The following RANBP2 variants were observed in gnomAD, a reference collection of about 807,000 sequenced individuals.
RANBP2 encodes the protein E3 SUMO-protein ligase RanBP2.
Under a neutral mutation model 303.6 loss-of-function variants are expected in RANBP2, and 57 were observed. The ratio of observed to expected loss-of-function variants is 0.19; its 90% CI spans 0.15 to 0.23. RANBP2 has a LOEUF of 0.23. Ranked by LOEUF, RANBP2 falls within the 10% of genes least tolerant of loss-of-function variation. The probability of loss-of-function intolerance (pLI) is 1.00; values close to 1 mark genes in which losing one functional copy is unlikely to be tolerated. For missense variants in RANBP2, 3,138 were observed against 3,780.8 expected (o/e 0.83, Z 4.46); for synonymous variants, 1,167 against 1,301.5 (o/e 0.90, Z 2.23).
At chr2:109,619,359 G>A in the RANBP2 span, among the ~76,000 whole-genome samples, 2 of 152,194 alleles carry the variant, frequency 1.3e-5, no homozygotes, top group Non-Finnish European at 2.9e-5. Context: ...TATGGGTTTT[G>A]CACACACCAT....
the RANBP2 span, among the ~76,000 whole-genome samples, chr2:108,889,798 A>C: frequency 6.6e-6 from 1 of 152,232 alleles, no homozygotes; most frequent in Admixed American, 6.5e-5. Flanking sequence ...AGTTATTGAT[A>C]TGTGAGGTTT....
intron 18 of RANBP2, among the ~76,000 whole-genome samples, chr2:108,760,404 C>T (rs184367044): frequency 1.3e-5 from 2 of 152,218 alleles, no homozygotes; most frequent in African/African-American, 4.8e-5. Context: ...TTAATGAGTT[C>T]ATGGTATCCC....
At chr2:108,798,148 C>T in the RANBP2 span, among the ~76,000 whole-genome samples, 2 of 151,960 alleles carry the variant, frequency 1.3e-5, no homozygotes, top group African/African-American at 4.8e-5. Flanking sequence ...TAAGCTGGAT[C>T]GGGAACTAAA....
chr2:109,208,475 G>A, the RANBP2 span, among the ~76,000 whole-genome samples: 1 of 152,176 alleles, frequency 6.6e-6, no homozygotes, highest in Admixed American at 6.5e-5. Context: ...CTGTGGAGAA[G>A]GGCAAAGGCT....
chr2:109,377,136 T>A, the RANBP2 span, among the ~76,000 whole-genome samples: 1 of 152,378 alleles, frequency 6.6e-6, no homozygotes, highest in African/African-American at 2.4e-5. Context: ...CTGTTTATTC[T>A]TGGCGTTTCC....
At chr2:109,106,324 A>T in the RANBP2 span, among the ~76,000 whole-genome samples, 1 of 152,206 alleles carries the variant, frequency 6.6e-6, no homozygotes. Context: ...ACTAGCCATG[A>T]ATATAAACAA....
chr2:109,562,184 G>C, the RANBP2 span, among the ~76,000 whole-genome samples: 1 of 151,956 alleles, frequency 6.6e-6, no homozygotes, highest in East Asian at 1.9e-4. Context: ...CTGAACTCCA[G>C]CCTGGGCAAC....
At chr2:109,283,147 A>G in the RANBP2 span, among the ~76,000 whole-genome samples, 90 of 152,304 alleles carry the variant, frequency 5.9e-4, no homozygotes, top group Admixed American at 2.5e-3. Flanking sequence ...TGCCCAGGGT[A>G]CAGCCCAGAA....
the RANBP2 span, among the ~76,000 whole-genome samples, chr2:109,548,661 A>G: frequency 6.6e-6 from 1 of 150,952 alleles, no homozygotes; most frequent in Non-Finnish European, 1.5e-5. Context: ...CTGTAGTCCC[A>G]GCTACTCGGG....
chr2:109,349,564 G>A, the RANBP2 span, among the ~76,000 whole-genome samples: 1 of 152,216 alleles, frequency 6.6e-6, no homozygotes, highest in African/African-American at 2.4e-5. Context: ...ACCAAGAGCA[G>A]GGACCTCTGA....
At chr2:109,500,785 C>CA in the RANBP2 span, among the ~76,000 whole-genome samples, 63 of 151,110 alleles carry the variant, frequency 4.2e-4, no homozygotes, top group South Asian at 3.8e-3. Context: ...CCCATCTCTA[C>CA]AAAAAAAAAT....
the RANBP2 span, among the ~76,000 whole-genome samples, chr2:109,149,227 G>T: frequency 2.6e-5 from 4 of 151,870 alleles, no homozygotes; most frequent in Admixed American, 2.0e-4. Context: ...GCTTTTATTC[G>T]GACTTCTCTA....
At chr2:109,445,102 G>A in the RANBP2 span, among the ~76,000 whole-genome samples, 1 of 152,194 alleles carries the variant, frequency 6.6e-6, no homozygotes, top group Admixed American at 6.5e-5. Flanking sequence ...AGTGGAATTA[G>A]TGAAATTGGA....
At chr2:109,406,637 G>A in the RANBP2 span, among the ~76,000 whole-genome samples, 3 of 152,082 alleles carry the variant, frequency 2.0e-5, no homozygotes, top group Admixed American at 6.5e-5. Context: ...TATATCATCC[G>A]CAGCTGTTTT....
At chr2:109,250,781 G>T in the RANBP2 span, among the ~76,000 whole-genome samples, 2 of 151,668 alleles carry the variant, frequency 1.3e-5, no homozygotes, top group Non-Finnish European at 2.9e-5. Flanking sequence ...GAAAAAAAAA[G>T]TGCTTCAATA....
chr2:109,448,095 AGT>A, the RANBP2 span, among the ~76,000 whole-genome samples: 3 of 152,148 alleles, frequency 2.0e-5, no homozygotes, highest in Non-Finnish European at 2.9e-5. Flanking sequence ...TGACATACCC[AGT>A]GTGGAAACCA....
chr2:109,526,782 T>C, the RANBP2 span, among the ~76,000 whole-genome samples: 1 of 152,288 alleles, frequency 6.6e-6, no homozygotes, highest in Non-Finnish European at 1.5e-5. Context: ...TCTCCACCCT[T>C]GCCTGGGACC....
the RANBP2 span, among the ~76,000 whole-genome samples, chr2:109,301,316 G>A: frequency 8.1e-4 from 118 of 145,860 alleles, no homozygotes; most frequent in African/African-American, 3.0e-3. Context: ...GGTGGGGGGC[G>A]GGCTGTGTAT....
the RANBP2 span, among the ~76,000 whole-genome samples, chr2:109,732,298 A>C: frequency 6.6e-6 from 1 of 152,290 alleles, no homozygotes; most frequent in South Asian, 2.1e-4. Context: ...TTATTGTGGA[A>C]AAATGTACGT....
Sources: gnomAD v4.1 joint callset for allele counts (sites outside exome capture counted in the v4.1 genomes callset) on GRCh38, gnomAD v4.1.1 for gene constraint, MANE v1.5 for transcripts, NCBI Gene and HGNC (gene_info 2026-07-23, HGNC 2026-07-21) for gene names.